The following SRGAP3 variants were observed in gnomAD, a reference collection of about 807,000 sequenced individuals.
SRGAP3 encodes SLIT-ROBO Rho GTPase-activating protein 3.
A neutral mutation model predicts 121.1 loss-of-function variants in SRGAP3; 39 were observed. The ratio of observed to expected loss-of-function variants is 0.32; its 90% CI spans 0.25 to 0.42. SRGAP3 has a LOEUF of 0.42. Ranked by LOEUF, SRGAP3 falls within the 10% of genes least tolerant of loss-of-function variation. The probability of loss-of-function intolerance (pLI) is 1.00; values close to 1 mark genes in which losing one functional copy is unlikely to be tolerated. For synonymous variants in SRGAP3, 601 were observed against 570.0 expected, an observed-to-expected ratio of 1.05 and a Z score of -0.77; for missense variants, 1,213 against 1,470.6, an observed-to-expected ratio of 0.82 and a Z score of 2.86.
intron 1 of SRGAP3, among the ~76,000 whole-genome samples, chr3:9,142,481 T>C (rs527430720): frequency 1.1e-4 from 17 of 152,330 alleles, no homozygotes; most frequent in African/African-American, 3.8e-4. Flanking sequence ...ACTACCCCTA[T>C]ATAAATCTAT....
At chr3:9,246,440 C>G (rs1953826921) in intron 1 of SRGAP3, among the ~76,000 whole-genome samples, 1 of 152,184 alleles carries the variant, frequency 6.6e-6, no homozygotes, top group Non-Finnish European at 1.5e-5. Flanking sequence ...CCAGTCCCCC[C>G]ACAAAACTGC....
intron 3 of SRGAP3, among the ~76,000 whole-genome samples, chr3:9,323,764 A>T (rs1050302007): frequency 4.1e-4 from 61 of 150,428 alleles, no homozygotes; most frequent in African/African-American, 1.2e-3. Flanking sequence ...GTATCTAAGT[A>T]CAAATACACA....
At position 8,985,134 on chromosome 3, in the gene SRGAP3, G is replaced by A. The variant is rs186889; in HGVS notation, c.*385C>T. The A allele has an allele frequency of 0.31, 97,507 of 312,258 alleles. 15,882 individuals carry two copies. The highest frequency in any genetic ancestry group is 0.45 in the East Asian group (8,637 of 19,358). 19.3% of individuals were successfully genotyped at this position (312,258 alleles called of 1,614,324 possible). A position where few individuals can be genotyped will look rare whatever the true frequency, so the allele number is the denominator to read the frequency against. On this transcript the variant is annotated 3_prime_UTR_variant, in exon 22 of 22. Transcript: ENST00000383836. This position sits in a 1 kb window ranked among gnomAD's most constrained non-coding sequence, Gnocchi z 5.1. ...CACACACCTACAGACACGTACATAC[G>A]TATACATGTGTATATATGCACACAT... is the stretch of plus-strand genomic sequence containing the variant.
intron 1 of SRGAP3, chr3:9,216,745 A>T (rs1486488740): frequency 6.6e-6 from 1 of 152,666 alleles, no homozygotes; most frequent in East Asian, 1.9e-4. Context: ...CATGAGCCAC[A>T]CCACGGAAGC....
chr3:9,359,438 C>T (rs2030682041), intron 1 of SRGAP3, among the ~76,000 whole-genome samples: 1 of 152,226 alleles, frequency 6.6e-6, no homozygotes, highest in Non-Finnish European at 1.5e-5. Context: ...ATGAAGACTT[C>T]ATTGGTTGCT....
intron 12 of SRGAP3, 131 bp from the exon 13 acceptor site, chr3:9,027,126 A>ACTG: frequency 2.3e-6 from 2 of 853,380 alleles, no homozygotes; most frequent in South Asian, 2.7e-5. Flanking sequence ...CAAGCAAGGA[A>ACTG]CTGCTAATCC....
intron 1 of SRGAP3, among the ~76,000 whole-genome samples, chr3:9,171,941 G>A (rs554016631): frequency 4.9e-4 from 75 of 152,112 alleles, no homozygotes; most frequent in African/African-American, 1.7e-3. Context: ...GCTTCTGGGG[G>A]CTGCCTGCAA....
At chr3:9,133,334 C>G (rs1949529153) in intron 1 of SRGAP3, among the ~76,000 whole-genome samples, 1 of 152,026 alleles carries the variant, frequency 6.6e-6, no homozygotes, top group Non-Finnish European at 1.5e-5. Context: ...AATACAAAAA[C>G]TTATCTGGGC....
chr3:9,116,341 G>A (rs936481696), intron 2 of SRGAP3, among the ~76,000 whole-genome samples: 2 of 152,252 alleles, frequency 1.3e-5, no homozygotes, highest in Non-Finnish European at 2.9e-5. Context: ...ATTTGGTAGT[G>A]TCTTGGTTAA....
chr3:9,248,817 G>A (rs1251763728), intron 1 of SRGAP3, 68 bp downstream of exon 1: 2 of 1,496,704 alleles, frequency 1.3e-6, no homozygotes, highest in Non-Finnish European at 9.3e-7. Context: ...GGCAGCGGGG[G>A]ATGGGAACCA....
chr3:9,124,999 C>T (rs557856194), intron 1 of SRGAP3, 82 bp from the exon 2 acceptor site: 138 of 1,546,188 alleles, frequency 8.9e-5, no homozygotes, highest in Non-Finnish European at 1.1e-4. Flanking sequence ...GGCCTGGGCC[C>T]TGCAATTCAG....
At chr3:8,999,926 G>T (rs1942650946) in intron 18 of SRGAP3, among the ~76,000 whole-genome samples, 1 of 152,102 alleles carries the variant, frequency 6.6e-6, no homozygotes, top group South Asian at 2.1e-4. Context: ...GGTCCTAAGG[G>T]CAAAAAGCAA....
chr3:9,020,545 T>C (rs1201856499), intron 14 of SRGAP3, among the ~76,000 whole-genome samples: 1 of 152,248 alleles, frequency 6.6e-6, no homozygotes, highest in Non-Finnish European at 1.5e-5. Context: ...TTTTCCTCCA[T>C]GTTGCCTAGT....
chr3:9,185,775 G>A (rs1037412078), intron 1 of SRGAP3, among the ~76,000 whole-genome samples: 1 of 152,018 alleles, frequency 6.6e-6, no homozygotes, highest in Non-Finnish European at 1.5e-5. Context: ...GGGCGTAAGT[G>A]ATCCTCCCAC....
In SRGAP3 at chr3:8,981,844, C is replaced by A. The variant is rs1231719705; in HGVS notation, c.*3675G>T. The A allele has an allele frequency of 4.4e-6, 1 of 229,248 alleles. No homozygotes were observed. The highest frequency in any genetic ancestry group is 8.7e-6 in the Non-Finnish European group (1 of 115,498). 14.2% of individuals were successfully genotyped at this position (229,248 alleles called of 1,614,324 possible). Reference sequence around the variant, plus strand: ...TTGGGAATCCATCTCTCTCCTGACCCCTGGCCTGGTGACTTCAGAGAAAAG... The same window carrying A: ...TTGGGAATCCATCTCTCTCCTGACCACTGGCCTGGTGACTTCAGAGAAAAG... On this transcript the variant is annotated 3_prime_UTR_variant, in exon 22 of 22. Transcript: ENST00000383836.
chr3:9,328,552 C>T (rs149199996), intron 2 of SRGAP3, among the ~76,000 whole-genome samples: 48 of 152,310 alleles, frequency 3.2e-4, no homozygotes, highest in African/African-American at 9.9e-4. Context: ...CCAGGCCAAA[C>T]GGCTGATATT....
intron 2 of SRGAP3, among the ~76,000 whole-genome samples, chr3:9,121,163 T>C (rs953551459): frequency 1.3e-5 from 2 of 152,136 alleles, no homozygotes; most frequent in Non-Finnish European, 2.9e-5. Context: ...TTCCTTCCTG[T>C]CTTCTTCCCT....
intron 3 of SRGAP3, among the ~76,000 whole-genome samples, chr3:9,289,091 G>A (rs554427423): frequency 4.2e-4 from 63 of 151,676 alleles, no homozygotes; most frequent in Non-Finnish European, 6.3e-4. Flanking sequence ...TAGAGATGGG[G>A]TTTTACCACG....
chr3:9,090,924 A>C (rs891355133), intron 3 of SRGAP3, among the ~76,000 whole-genome samples: 1 of 152,164 alleles, frequency 6.6e-6, no homozygotes, highest in African/African-American at 2.4e-5. Context: ...GGCATGAGCC[A>C]CCATGCCCAG....
Sources: gnomAD v4.1 joint callset for allele counts (sites outside exome capture counted in the v4.1 genomes callset) on GRCh38, gnomAD v4.1.1 for gene constraint, Gnocchi (gnomAD v3.1) non-coding constraint, MANE v1.5 for transcripts, NCBI Gene and HGNC (gene_info 2026-07-23, HGNC 2026-07-21) for gene names.